The following NAV1 variants were observed in gnomAD, a reference collection of about 807,000 sequenced individuals.
NAV1 encodes the protein pore membrane and/or filament interacting like protein 3.
A neutral mutation model predicts 175.2 loss-of-function variants in NAV1; 18 were observed. That is an observed-to-expected ratio of 0.10 (90% CI 0.07 to 0.15). The LOEUF is 0.15. Ranked by LOEUF, NAV1 falls within the 10% of genes least tolerant of loss-of-function variation. NAV1 has a pLI of 1.00. For synonymous variants in NAV1, 897 were observed against 978.7 expected (o/e 0.92, Z 1.56); for missense variants, 1,731 against 2,436.6 (o/e 0.71, Z 6.10).
chr1:201,784,730 T>G (rs192857846), intron 7 of NAV1, among the ~76,000 whole-genome samples: 40 of 151,850 alleles, frequency 2.6e-4, no homozygotes, highest in Admixed American at 2.2e-3. Context: ...AATAACTAAC[T>G]ATGCCTTAAT....
chr1:201,547,017 G>A lies in NAV1; in HGVS notation c.-144+7675G>A, dbSNP rs557747478. ...TTTTTTTTTTTTGAGATGGAGTTTC[G>A]CTCTTGTTGCCCAAGCTGGAGTGCA... On this transcript the variant is annotated intron_variant, in intron 1 of 33. Transcript: ENST00000685211. Among the ~76,000 whole-genome samples, 5 of 144,666 alleles carry A rather than the reference G, an allele frequency of 3.5e-5. No individual in the cohort carries two copies. In the South Asian group the frequency reaches 6.5e-4, roughly 19 times the overall value. The allele number at this position is 144,666 out of a possible 152,430, so 94.9% of individuals were successfully genotyped here. A position where few individuals can be genotyped will look rare whatever the true frequency, so the allele number is the denominator to read the frequency against.
At chr1:201,698,225 T>TC (rs886199493) in intron 1 of NAV1, among the ~76,000 whole-genome samples, 1 of 152,212 alleles carries the variant, frequency 6.6e-6, no homozygotes, top group African/African-American at 2.4e-5. Context: ...GGTCACCTCT[T>TC]CCAGGACCTC....
intron 3 of NAV1, chr1:201,737,407 G>A (rs7412434): frequency 3.9e-5 from 6 of 152,184 alleles, no homozygotes; most frequent in African/African-American, 1.4e-4. Context: ...TCCCAAGAAG[G>A]AGGTGATTTA....
intron 3 of NAV1, chr1:201,724,315 C>T (rs1447337818): frequency 6.6e-6 from 1 of 152,166 alleles, no homozygotes; most frequent in Admixed American, 6.5e-5. Flanking sequence ...CCCTGGCATC[C>T]ATTGGAGTGG....
intron 14 of NAV1, 32 bp from the exon 19 acceptor site, chr1:201,794,434 C>G (rs1558173785): frequency 5.0e-6 from 8 of 1,596,864 alleles, no homozygotes; most frequent in Non-Finnish European, 6.8e-6. Flanking sequence ...AGCCACCGTG[C>G]CCAGCCAACG....
At chr1:201,724,262 A>G (rs1035257978) in intron 3 of NAV1, 7 of 152,234 alleles carry the variant, frequency 4.6e-5, no homozygotes, top group Admixed American at 3.3e-4. Flanking sequence ...CTGGAATTTA[A>G]TCTAAATAAG....
Position 201,708,440 on chromosome 1 carries a change from G to GCACACACACA in NAV1, c.758-4362_758-4353dup, listed in dbSNP as rs3053753. ...TTCCCCCCTCAAACCCTACTTGCGC[G>GCACACACACA]CACACACACACACACACACACACAT... On this transcript the variant is annotated intron_variant, in intron 1 of 29. Coordinates refer to ENST00000367296, the Ensembl canonical transcript of NAV1. Among the ~76,000 whole-genome samples the GCACACACACA allele has an allele frequency of 2.1e-3, 309 of 148,278 alleles. 1 individual carries two copies. The highest frequency in any genetic ancestry group is 6.5e-3 in the African/African-American group (261 of 40,122).
chr1:201,784,098 A>G (rs1225249108), intron 7 of NAV1, among the ~76,000 whole-genome samples: 1 of 152,216 alleles, frequency 6.6e-6, no homozygotes, highest in Non-Finnish European at 1.5e-5. Context: ...TGACTCATCC[A>G]AGATCTCATA....
chr1:201,710,536 C>CCT (rs1671862367), intron 1 of NAV1, among the ~76,000 whole-genome samples: 2 of 152,240 alleles, frequency 1.3e-5, no homozygotes, highest in Admixed American at 6.5e-5. Context: ...GATCCTCTGG[C>CCT]CTCGGTCTCC....
chr1:201,782,372 G>A lies in NAV1; in HGVS notation c.1860G>A (p.Met620Ile), dbSNP rs1174314255. 1.2e-6 allele frequency: 2 copies of A among 1,614,122 alleles called. No homozygotes were observed. The highest frequency in any genetic ancestry group is 8.5e-7 in the Non-Finnish European group (1 of 1,180,014). ...CTGCCACAGGCACAGCCACTGTCAT[G>A]CAAACTGGTGGTTCAGCCACTCTCA... The change falls in exon 6 of 30, where the codon ATG (methionine) becomes ATA (isoleucine). Residue 620 changes from methionine to isoleucine, a missense_variant. Physicochemically the swap from Met to Ile is conservative, Grantham distance 10. This residue lies in a region of NAV1 where 634 missense variants were observed against 766.8 expected (regional missense o/e 0.83). Coordinates refer to ENST00000367296, the Ensembl canonical transcript of NAV1. The surrounding 1 kb of genome is among the most constrained non-coding windows in gnomAD (Gnocchi z 5.4).
chr1:201,683,505 G>C (rs1670549692), intron 1 of NAV1, among the ~76,000 whole-genome samples: 1 of 151,690 alleles, frequency 6.6e-6, no homozygotes, highest in Non-Finnish European at 1.5e-5. Flanking sequence ...TTCACAATAG[G>C]GTTCACCTTC....
chr1:201,589,955 C>T (rs1299441676), intron 2 of NAV1, among the ~76,000 whole-genome samples: 4 of 151,990 alleles, frequency 2.6e-5, no homozygotes, highest in East Asian at 1.9e-4. Flanking sequence ...TGCAGTGGCA[C>T]GATCTCAGCT....
chr1:201,561,583 C>A (rs910626757), intron 1 of NAV1, among the ~76,000 whole-genome samples: 1 of 152,244 alleles, frequency 6.6e-6, no homozygotes, highest in African/African-American at 2.4e-5. Context: ...TCCTTCACTT[C>A]CATTATCCAT....
chr1:201,746,130 G>T (rs1212426149), intron 3 of NAV1, among the ~76,000 whole-genome samples: 1 of 152,016 alleles, frequency 6.6e-6, no homozygotes, highest in Non-Finnish European at 1.5e-5. Flanking sequence ...GCCTAGTCTT[G>T]CTTTTAGACA....
At chr1:201,816,991 A>T in intron 28 of NAV1, 97 bp from the exon 33 acceptor site, 1 of 1,131,132 alleles carries the variant, frequency 8.8e-7, no homozygotes, top group Non-Finnish European at 1.3e-6. Context: ...GCATATTTTT[A>T]AGGAGCCTAT....
At position 201,724,778 on chromosome 1, in the gene NAV1, T is replaced by A. The variant is rs74904374; in HGVS notation, c.1226+6023T>A. 29 of 152,854 alleles carry A rather than the reference T, an allele frequency of 1.9e-4. No individual in the cohort carries two copies. In the East Asian group the frequency reaches 3.1e-3, roughly 16 times the overall value. The allele number at this position is 152,854 out of a possible 1,614,324, so 9.5% of individuals were successfully genotyped here. On this transcript the variant is annotated intron_variant, in intron 3 of 29. Transcript: ENST00000367296. ...TCTCTCATCAGGTGGCTTCCTGCCCTCCGTGTGTGGCTGGATGTTCCAGTC... is the reference window on the plus strand; with the variant it reads ...TCTCTCATCAGGTGGCTTCCTGCCCACCGTGTGTGGCTGGATGTTCCAGTC...
intron 1 of NAV1, among the ~76,000 whole-genome samples, chr1:201,585,196 TG>T: frequency 6.6e-6 from 1 of 152,322 alleles, no homozygotes; most frequent in Admixed American, 6.5e-5. Flanking sequence ...GTTCTGAACG[TG>T]TGATGACTCA....
intron 2 of NAV1, among the ~76,000 whole-genome samples, chr1:201,633,600 T>G (rs1668537012): frequency 6.6e-6 from 1 of 152,226 alleles, no homozygotes; most frequent in African/African-American, 2.4e-5. Context: ...CCACAGTCCC[T>G]GCTCACATCT....
chr1:201,730,199 A>G (rs1446161110), intron 3 of NAV1, among the ~76,000 whole-genome samples: 1 of 152,228 alleles, frequency 6.6e-6, no homozygotes, highest in African/African-American at 2.4e-5. Flanking sequence ...GCAATTGCAT[A>G]GCATGCATGG....
Sources: allele counts gnomAD v4.1 joint callset (sites outside exome capture counted in the v4.1 genomes callset), GRCh38; gene constraint gnomAD v4.1.1; regional missense constraint gnomAD v4.1.1; non-coding constraint Gnocchi (gnomAD v3.1); transcripts MANE v1.5; gene names NCBI Gene and HGNC (gene_info 2026-07-23, HGNC 2026-07-21).